The following AP4S1 variants were observed in gnomAD, a reference collection of about 807,000 sequenced individuals.
AP4S1 encodes the protein AP-4 complex subunit sigma-1.
AP4S1 carries 23 observed loss-of-function variants against 19.8 expected under a neutral mutation model. The ratio of observed to expected loss-of-function variants is 1.16; its 90% confidence interval spans 0.84 to 1.65. AP4S1 has a LOEUF of 1.65. Ranked by LOEUF, AP4S1 falls within the 40% of genes most tolerant of loss-of-function variation. The probability of loss-of-function intolerance (pLI) is 0.00; values close to 1 mark genes in which losing one functional copy is unlikely to be tolerated. For missense variants in AP4S1, 166 were observed against 172.8 expected (o/e 0.96, Z 0.22); for synonymous variants, 46 against 54.1 (o/e 0.85, Z 0.66).
At chr14:31,029,695 T>C (rs1884272299) in intron 1 of AP4S1, among the ~76,000 whole-genome samples, 2 of 152,056 alleles carry the variant, frequency 1.3e-5, no homozygotes, top group South Asian at 4.1e-4. Context: ...CGTGAGTCTG[T>C]AGTCCCAGCT....
intron 1 of AP4S1, among the ~76,000 whole-genome samples, chr14:31,035,973 G>C (rs183446809): frequency 6.6e-6 from 1 of 151,944 alleles, no homozygotes; most frequent in African/African-American, 2.4e-5. Context: ...CTGGTGATCC[G>C]CCCGCCTTGG....
chr14:31,072,866 G>A (rs371471997), intron 3 of AP4S1, 39 bp from the exon 4 acceptor site: 7 of 1,536,232 alleles, frequency 4.6e-6, no homozygotes, highest in East Asian at 4.5e-5. Flanking sequence ...CATGGGAAGC[G>A]ACACTAAAAT....
chr14:31,065,290 T>C (rs775575859), intron 1 of AP4S1, among the ~76,000 whole-genome samples: 2 of 152,198 alleles, frequency 1.3e-5, no homozygotes, highest in African/African-American at 2.4e-5. Context: ...AGTCTTCCCC[T>C]GTAGCTCATT....
intron 5 of AP4S1, among the ~76,000 whole-genome samples, chr14:31,082,714 G>A (rs1887701520): frequency 6.6e-6 from 1 of 151,952 alleles, no homozygotes; most frequent in Non-Finnish European, 1.5e-5. Flanking sequence ...GGCTAACAAG[G>A]TGAAACCCCG....
At chr14:31,066,521 A>G (rs1280472787) in intron 2 of AP4S1, among the ~76,000 whole-genome samples, 187 bp downstream of exon 2, 1 of 152,224 alleles carries the variant, frequency 6.6e-6, no homozygotes, top group Non-Finnish European at 1.5e-5. Context: ...TAAGAAAACA[A>G]AAACAAGGAA....
At chr14:31,041,341 G>C (rs2139451261) in intron 1 of AP4S1, among the ~76,000 whole-genome samples, 1 of 151,990 alleles carries the variant, frequency 6.6e-6, no homozygotes. Context: ...GTAGTGAGGG[G>C]GTTTCACCTT....
Position 31,035,461 on chromosome 14 carries a change from G to A in AP4S1, c.-72+9674G>A, listed in dbSNP as rs538975802. On this transcript the variant is annotated intron_variant, in intron 1 of 5. Transcript: ENST00000542754. ...CCACCTCAGCCTCCCAAAGTGCTAGGATTACAGGTGTAAGCAACCACGCCC... is the reference window on the plus strand; with the variant it reads ...CCACCTCAGCCTCCCAAAGTGCTAGAATTACAGGTGTAAGCAACCACGCCC... 4.0e-5 allele frequency among the ~76,000 whole-genome samples: 6 copies of A among 151,644 alleles called. No homozygotes were observed. In the East Asian group the frequency reaches 7.8e-4, roughly 20 times the overall value.
intron 1 of AP4S1, among the ~76,000 whole-genome samples, chr14:31,043,167 G>A (rs1256609999): frequency 6.6e-6 from 1 of 151,646 alleles, no homozygotes; most frequent in Non-Finnish European, 1.5e-5. Context: ...GTTGCAGTGA[G>A]CCGAGATCAT....
intron 1 of AP4S1, among the ~76,000 whole-genome samples, chr14:31,028,062 T>C (rs556482223): frequency 1.1e-4 from 16 of 152,374 alleles, no homozygotes; most frequent in African/African-American, 3.8e-4. Context: ...TTATTACAGT[T>C]TAATGGAAAG....
chr14:31,073,598 A>G (rs1359003439), intron 4 of AP4S1, among the ~76,000 whole-genome samples: 5 of 145,024 alleles, frequency 3.4e-5, no homozygotes, highest in Admixed American at 1.4e-4. Flanking sequence ...ATTTTTTATT[A>G]TTTATTTATT....
chr14:31,078,818 T>G (rs561216807), intron 4 of AP4S1, among the ~76,000 whole-genome samples: 64 of 152,232 alleles, frequency 4.2e-4, no homozygotes, highest in Admixed American at 4.6e-4. Context: ...ATGACTTGGC[T>G]TAGGATCAAA....
intron 1 of AP4S1, among the ~76,000 whole-genome samples, chr14:31,058,634 C>T (rs1396973174): frequency 1.3e-5 from 2 of 151,368 alleles, no homozygotes; most frequent in East Asian, 3.9e-4. Flanking sequence ...GTGTTGTGAT[C>T]ATAGCTCACC....
At chr14:31,089,971 TATTTTTATTTTC>T (rs1307332992) in intron 5 of AP4S1, among the ~76,000 whole-genome samples, 2 of 152,206 alleles carry the variant, frequency 1.3e-5, no homozygotes, top group African/African-American at 4.8e-5. Flanking sequence ...TCACTGTATT[TATTTTTATTTTC>T]ATTTTTATTT....
chr14:31,047,178 C>G (rs1885456782), intron 1 of AP4S1, among the ~76,000 whole-genome samples: 1 of 152,148 alleles, frequency 6.6e-6, no homozygotes, highest in East Asian at 1.9e-4. Context: ...AATTCATTGT[C>G]TGTTTTTTAA....
chr14:31,073,306 C>A lies in AP4S1; in HGVS notation c.294+333C>A, dbSNP rs539501124. ...GAGATGGAGACCATCCTGGCTAATA[C>A]GGTGAAACCCCGTCTCTACTAAAAA... On this transcript the variant is annotated intron_variant, in intron 4 of 5. Coordinates refer to ENST00000542754, the MANE Select transcript of AP4S1 (RefSeq NM_001128126.3). 256 of 241,950 alleles carry A rather than the reference C, an allele frequency of 1.1e-3. 1 individual carries two copies. Among genetic ancestry groups the A allele is most frequent in the African/African-American group, 3.7e-3 (163 of 43,988 alleles). 15.0% of individuals were successfully genotyped at this position (241,950 alleles called of 1,614,324 possible). A position where few individuals can be genotyped will look rare whatever the true frequency, so the allele number is the denominator to read the frequency against.
chr14:31,037,339 A>C (rs116167059), intron 1 of AP4S1, among the ~76,000 whole-genome samples: 1,529 of 152,082 alleles, frequency 0.01, 33 homozygotes, highest in African/African-American at 0.034. Flanking sequence ...TTGTCTGTAG[A>C]TGTTTTCTTT....
In AP4S1 at chr14:31,039,884, C is replaced by T. The variant is rs539974927; in HGVS notation, c.-72+14097C>T. The stretch of plus-strand genomic sequence containing the variant: ...GATTACAGGCGTGAGCCACCGCGCC[C>T]GGCCAATAGGTGTAGTTTTACAGTA... On this transcript the variant is annotated intron_variant, in intron 1 of 5. Transcript: ENST00000542754. Among the ~76,000 whole-genome samples the T allele has an allele frequency of 9.0e-4, 137 of 152,084 alleles. No individual in the cohort carries two copies. In the East Asian group the frequency reaches 0.016, roughly 18 times the overall value.
chr14:31,030,806 C>T (rs1250605804), intron 1 of AP4S1, among the ~76,000 whole-genome samples: 1 of 152,162 alleles, frequency 6.6e-6, no homozygotes, highest in East Asian at 1.9e-4. Flanking sequence ...ACTCTGGCTT[C>T]CTCAATATTT....
chr14:31,033,307 G>A (rs774095266), intron 1 of AP4S1, among the ~76,000 whole-genome samples: 6 of 151,894 alleles, frequency 4.0e-5, no homozygotes, highest in African/African-American at 9.7e-5. Context: ...TCTGCCTCCC[G>A]TGTTCAAACA....
Sources: allele counts gnomAD v4.1 joint callset (sites outside exome capture counted in the v4.1 genomes callset), GRCh38; gene constraint gnomAD v4.1.1; transcripts MANE v1.5; gene names NCBI Gene and HGNC (gene_info 2026-07-23, HGNC 2026-07-21).